SORD: variants seen among roughly 807,000 people sequenced by gnomAD.
SORD encodes (R,R)-butanediol dehydrogenase.
Under a neutral mutation model 35.6 loss-of-function variants are expected in SORD, and 18 were observed. That is an observed-to-expected ratio of 0.51 (90% CI 0.35 to 0.75). The LOEUF (loss-of-function observed/expected upper bound fraction) is 0.75. SORD is among the 30% of genes least tolerant of loss of function. The pLI is 0.01. For missense variants in SORD, 250 were observed against 390.2 expected (o/e 0.64, Z 3.03); for synonymous variants, 106 against 152.9 (o/e 0.69, Z 2.26).
chr15:45,023,381 G>C, intron 1 of SORD, 32 bp downstream of exon 1: 4 of 1,517,852 alleles, frequency 2.6e-6, no homozygotes, highest in Non-Finnish European at 3.5e-6. Context: ...GAAGCATACC[G>C]ATCCTGCCTC....
intron 1 of SORD, 77 bp from the exon 2 acceptor site, chr15:45,040,331 T>C (rs1182038096): frequency 4.3e-6 from 4 of 920,788 alleles, no homozygotes; most frequent in Admixed American, 2.1e-5. Flanking sequence ...GAAACTCTAA[T>C]TGTTTTTAAT....
At chr15:45,054,416 T>C (rs1171369040) in intron 3 of SORD, among the ~76,000 whole-genome samples, 1 of 152,236 alleles carries the variant, frequency 6.6e-6, no homozygotes, top group African/African-American at 2.4e-5. Flanking sequence ...CATCTTTTCA[T>C]GTGTTTTTTG....
rs1412617209 is a variant in SORD at position 45,061,118 on chromosome 15, G to T, written c.317G>T (p.Cys106Phe). ...GCTCCCCGAGAAAATGATGAATTCT[G>T]CAAGATGGGCCGATACAATCTGTCA... is the stretch of plus-strand genomic sequence containing the variant. ...PGAPRENDEF[C>F]KMGRYNLSPS... Residue 106 changes from cysteine to phenylalanine, a missense_variant, in exon 4 of 9, where the codon TGC (cysteine) becomes TTC (phenylalanine). Cys to Phe is a radical substitution (Grantham distance 205). Coordinates refer to ENST00000267814, the MANE Select transcript of SORD (RefSeq NM_003104.6). 6.2e-7 allele frequency: 1 copy of T among 1,613,960 alleles called. No individual in the cohort carries two copies. The highest frequency in any genetic ancestry group is 8.5e-7 in the Non-Finnish European group (1 of 1,180,008).
chr15:45,039,990 A>G (rs1892940296), intron 1 of SORD, among the ~76,000 whole-genome samples: 1 of 152,112 alleles, frequency 6.6e-6, no homozygotes, highest in South Asian at 2.1e-4. Flanking sequence ...AAGTTGCACC[A>G]GTGGGTGGGA....
At chr15:45,066,579 G>A (rs1893408644) in intron 5 of SORD, among the ~76,000 whole-genome samples, 1 of 152,160 alleles carries the variant, frequency 6.6e-6, no homozygotes. Flanking sequence ...CCTGCAGTAG[G>A]GCTGTAGCTA....
rs113331537 is a variant in SORD at position 45,061,272 on chromosome 15, T to A, written c.425+46T>A. On this transcript the variant is annotated intron_variant, in intron 4 of 8. Coordinates refer to ENST00000267814, the MANE Select transcript of SORD (RefSeq NM_003104.6). Reference sequence around the variant, plus strand: ...TGGGTCACCTGGGACCTCTTTCCCTTCATTAGCTTGGTGCTGTTTCCTGTG... The same window carrying A: ...TGGGTCACCTGGGACCTCTTTCCCTACATTAGCTTGGTGCTGTTTCCTGTG... 2,025 of 1,600,214 alleles carry A rather than the reference T, an allele frequency of 1.3e-3. 20 individuals are homozygous for A. The African/African-American group carries it at 0.024, about 19-fold the overall frequency.
At chr15:45,062,370 G>T (rs1355485053) in intron 4 of SORD, among the ~76,000 whole-genome samples, 7 of 152,206 alleles carry the variant, frequency 4.6e-5, no homozygotes, top group African/African-American at 1.7e-4. Flanking sequence ...CCCTTTCTGC[G>T]TGGCCCCCCA....
At chr15:45,041,339 G>A (rs2141269706) in intron 2 of SORD, among the ~76,000 whole-genome samples, 2 of 152,096 alleles carry the variant, frequency 1.3e-5, no homozygotes, top group South Asian at 2.1e-4. Flanking sequence ...GAGGCTGGGG[G>A]CAATGGTCAG....
chr15:45,071,596 T>C (rs1337566619), intron 7 of SORD, among the ~76,000 whole-genome samples: 1 of 152,132 alleles, frequency 6.6e-6, no homozygotes, highest in African/African-American at 2.4e-5. Context: ...GAATTATCCA[T>C]TCTTCTGTCT....
Position 45,073,580 on chromosome 15 carries a change from A to G in SORD, c.*50A>G, listed in dbSNP as rs1893549229. ...CCACAGTCTTGGGATCTCAGGGCAC[A>G]ATGGCTGGACATGGGTGGGCTCTGA... On this transcript the variant is annotated 3_prime_UTR_variant, in exon 9 of 9. Coordinates refer to ENST00000267814, the MANE Select transcript of SORD (RefSeq NM_003104.6). The G allele has an allele frequency of 6.3e-7, 1 of 1,576,334 alleles. No individual in the cohort carries two copies. The highest frequency in any genetic ancestry group is 2.2e-5 in the East Asian group (1 of 44,466).
intron 1 of SORD, among the ~76,000 whole-genome samples, chr15:45,034,574 G>C (rs1200024582): frequency 6.6e-6 from 1 of 152,270 alleles, no homozygotes; most frequent in African/African-American, 2.4e-5. Flanking sequence ...CCCGCAGAGA[G>C]TACTTCCTGA....
At chr15:45,071,616 C>G (rs1043594345) in intron 7 of SORD, among the ~76,000 whole-genome samples, 5 of 152,016 alleles carry the variant, frequency 3.3e-5, no homozygotes, top group African/African-American at 4.8e-5. Context: ...TCTCACCGCA[C>G]TGAGCACAGT....
intron 8 of SORD, among the ~76,000 whole-genome samples, chr15:45,072,822 C>G (rs1893533958): frequency 7.0e-6 from 1 of 142,466 alleles, no homozygotes; most frequent in South Asian, 2.1e-4. Flanking sequence ...GGCTTCCGTT[C>G]CTTAGCCCTA....
intron 1 of SORD, among the ~76,000 whole-genome samples, chr15:45,035,076 C>A (rs898515700): frequency 6.6e-6 from 1 of 152,186 alleles, no homozygotes. Context: ...TCCCGCGGGG[C>A]AGGGCTCGGG....
Position 45,073,646 on chromosome 15 carries a change from A to C in SORD, c.*116A>C, listed in dbSNP as rs1285663778. 40 of 1,326,232 alleles carry C rather than the reference A, an allele frequency of 3.0e-5. No individual in the cohort carries two copies. The Admixed American group carries it at 5.9e-4, about 20-fold the overall frequency. 82.2% of individuals were successfully genotyped at this position (1,326,232 alleles called of 1,614,324 possible). On this transcript the variant is annotated 3_prime_UTR_variant, in exon 9 of 9. Transcript: ENST00000267814. Reference sequence around the variant, plus strand: ...TTTGAATGTTAAGAATAACTAATACAATTCATTGTGAACAGAAGTCCTTAA... The same window carrying C: ...TTTGAATGTTAAGAATAACTAATACCATTCATTGTGAACAGAAGTCCTTAA...
intron 4 of SORD, among the ~76,000 whole-genome samples, chr15:45,063,003 G>A (rs958621131): frequency 6.7e-6 from 1 of 148,426 alleles, no homozygotes; most frequent in Non-Finnish European, 1.5e-5. Context: ...AGTGGTCTGG[G>A]CATGGAGGTG....
At chr15:45,024,161 C>G (rs1294876999) in intron 1 of SORD, among the ~76,000 whole-genome samples, 1 of 152,166 alleles carries the variant, frequency 6.6e-6, no homozygotes. Flanking sequence ...TCATGCCAAG[C>G]CTCCCTTGAC....
intron 7 of SORD, chr15:45,070,300 C>T (rs1444072573): frequency 6.6e-6 from 1 of 152,304 alleles, no homozygotes; most frequent in Non-Finnish European, 1.5e-5. Context: ...GACTCCTGTC[C>T]CTGCCTCCCA....
At chr15:45,052,160 G>A (rs962295569) in intron 3 of SORD, among the ~76,000 whole-genome samples, 14 of 152,182 alleles carry the variant, frequency 9.2e-5, no homozygotes, top group African/African-American at 2.9e-4. Context: ...GAAAGTGGCT[G>A]GGCTTAGGCA....
Sources: allele counts gnomAD v4.1 joint callset (sites outside exome capture counted in the v4.1 genomes callset), GRCh38; gene constraint gnomAD v4.1.1; transcripts MANE v1.5; gene names NCBI Gene and HGNC (gene_info 2026-07-23, HGNC 2026-07-21).